CNN2: variants seen among roughly 807,000 people sequenced by gnomAD.
CNN2 encodes calponin 2.
In CNN2, 21 loss-of-function variants were observed where a neutral mutation model predicts 31.0. The ratio of observed to expected loss-of-function variants is 0.68; its 90% confidence interval spans 0.48 to 0.98. The LOEUF (loss-of-function observed/expected upper bound fraction) is 0.98. Ranked by LOEUF, CNN2 falls within the 50% of genes least tolerant of loss-of-function variation. CNN2 has a pLI of 0.00. For missense variants in CNN2, 399 were observed against 427.3 expected, an observed-to-expected ratio of 0.93 and a Z score of 0.58; for synonymous variants, 165 against 179.6, an observed-to-expected ratio of 0.92 and a Z score of 0.65.
chr19:1,028,896 T>G (rs949293699), intron 1 of CNN2, among the ~76,000 whole-genome samples: 5 of 152,176 alleles, frequency 3.3e-5, no homozygotes, highest in Non-Finnish European at 7.4e-5. Flanking sequence ...CTGGGTGGGC[T>G]GTGAGCTGGT....
intron 2 of CNN2, 140 bp downstream of exon 2, chr19:1,031,332 GGGTGGTGGC>G: frequency 1.9e-5 from 6 of 313,020 alleles, no homozygotes; most frequent in Middle Eastern, 8.9e-4. Flanking sequence ...TGGAGGCCGA[GGGTGGTGGC>G]GGGGGGCGGT....
At chr19:1,028,188 C>T (rs963284576) in intron 1 of CNN2, among the ~76,000 whole-genome samples, 1 of 152,046 alleles carries the variant, frequency 6.6e-6, no homozygotes, top group Non-Finnish European at 1.5e-5. Context: ...AAGACCGGAA[C>T]CCAGTACCTG....
Position 1,036,557 on chromosome 19 carries a change from A to C in CNN2, c.649A>C (p.Ser217Arg). 6.2e-7 allele frequency: 1 copy of C among 1,613,810 alleles called. No individual in the cohort carries two copies. Among genetic ancestry groups the C allele is most frequent in the Non-Finnish European group, 8.5e-7 (1 of 1,179,946 alleles). ...SLQMGTNKCASQVGMTAPGTR... is the reference protein window; with the variant it reads ...SLQMGTNKCARQVGMTAPGTR... ...CCAGATGGGCACGAACAAGTGTGCCAGCCAGGTGGGGCTCGCCCGGGTGCC... is the reference window on the plus strand; with the variant it reads ...CCAGATGGGCACGAACAAGTGTGCCCGCCAGGTGGGGCTCGCCCGGGTGCC... The change falls in exon 6 of 7, where the codon AGC becomes CGC. Residue 217 changes from serine to arginine, a missense_variant. Transcript: ENST00000263097.
At chr19:1,028,294 G>A (rs929649706) in intron 1 of CNN2, among the ~76,000 whole-genome samples, 2 of 152,096 alleles carry the variant, frequency 1.3e-5, no homozygotes, top group Non-Finnish European at 2.9e-5. Context: ...CTGCCCTGGC[G>A]GGGGTGAGGA....
chr19:1,035,420 C>T (rs986811076), intron 4 of CNN2, among the ~76,000 whole-genome samples: 3 of 152,056 alleles, frequency 2.0e-5, no homozygotes, highest in African/African-American at 7.3e-5. Context: ...AGTAACCTCA[C>T]GTGGGGAATG....
rs200888156 is a variant in CNN2, at chr19:1,032,447, A to G, written c.241A>G (p.Asn81Asp). The G allele has an allele frequency of 6.2e-7, 1 of 1,613,640 alleles. No individual in the cohort carries two copies. Among genetic ancestry groups the G allele is most frequent in the Non-Finnish European group, 8.5e-7 (1 of 1,179,970 alleles). Reference protein sequence around the residue: ...SVPKINRSMQNWHQLENLSNF... With the variant: ...SVPKINRSMQDWHQLENLSNF... Reference sequence around the variant, plus strand: ...CCCCAAGATCAACCGCTCCATGCAGAACTGGCACCAGGTGAGGGGCTGGTG... The same window carrying G: ...CCCCAAGATCAACCGCTCCATGCAGGACTGGCACCAGGTGAGGGGCTGGTG... Residue 81 changes from asparagine to aspartate, a missense_variant, in exon 3 of 7, where the codon AAC becomes GAC. Asn to Asp is a conservative substitution (Grantham distance 23). Transcript: ENST00000263097.
At chr19:1,036,711 C>CT in intron 6 of CNN2, 149 bp downstream of exon 6, 1 of 917,128 alleles carries the variant, frequency 1.1e-6, no homozygotes, top group Non-Finnish European at 1.7e-6. Flanking sequence ...TCCCCGCTCT[C>CT]TGTCTCCGCC....
rs200926305 is a variant in CNN2 at position 1,035,039 on chromosome 19, AC to A, written c.391-1089del. 6.5e-3 allele frequency among the ~76,000 whole-genome samples: 81 copies of A among 12,514 alleles called. 15 individuals are homozygous for A. Among genetic ancestry groups the A allele is most frequent in the African/African-American group, 0.016 (15 of 952 alleles). The allele number at this position is 12,514 out of a possible 152,430, so 8.2% of individuals were successfully genotyped here. On this transcript the variant is annotated intron_variant, in intron 4 of 6. Transcript: ENST00000263097. Reference sequence around the variant, plus strand: ...GGGTGGGACACGGTGTCTGGTGTAGACCGGGAGCGTGGGTGGGACGGTGTCT... The same window carrying A: ...GGGTGGGACACGGTGTCTGGTGTAGACGGGAGCGTGGGTGGGACGGTGTCT...
At chr19:1,026,830 G>T in intron 1 of CNN2, 106 bp downstream of exon 1, 1 of 1,118,346 alleles carries the variant, frequency 8.9e-7, no homozygotes, top group Non-Finnish European at 1.2e-6. Flanking sequence ...AGGGAGCTTG[G>T]AGACCCGGGG....
At position 1,031,086 on chromosome 19, in the gene CNN2, G is replaced by A; in HGVS notation, c.79G>A (p.Asp27Asn). 1 of 1,612,732 alleles carries A rather than the reference G, an allele frequency of 6.2e-7. No individual in the cohort carries two copies. The highest frequency in any genetic ancestry group is 1.1e-5 in the South Asian group (1 of 91,018). The change falls in exon 2 of 7, where the codon GAC (aspartate) becomes AAC (asparagine). Residue 27 changes from aspartate (D) to asparagine (N), a missense_variant. Transcript: ENST00000263097. ...GCTCCACCAGCTCCTGTCCAAATAT[G>A]ACCCCCAGAAGGAGGCAGAGCTCCG... ...EVKNRLLSKY[D>N]PQKEAELRTW...
At chr19:1,036,603 C>T in intron 6 of CNN2, 41 bp downstream of exon 6, 1 of 1,613,000 alleles carries the variant, frequency 6.2e-7, no homozygotes, top group Non-Finnish European at 8.5e-7. Context: ...CTCCCTGCCC[C>T]TCTACACCCT....
chr19:1,037,858 C>T lies in CNN2; in HGVS notation c.888C>T (p.Val296=), dbSNP rs112701025. The T allele has an allele frequency of 2.2e-4, 349 of 1,601,426 alleles. 2 individuals carry two copies. The African/African-American group carries it at 3.6e-3, about 17-fold the overall frequency. Residue 296 remains valine, a synonymous_variant, in exon 7 of 7, where the codon GTC becomes GTT. Transcript: ENST00000263097. ...GTGDCPDPGE[V]PEYPPYYQEE... ...GCGACTGCCCGGACCCGGGGGAGGT[C>T]CCTGAATATCCCCCTTACTACCAGG...
Position 1,038,345 on chromosome 19 carries a change from G to A in CNN2, c.*445G>A, listed in dbSNP as rs764869482. 6.4e-6 allele frequency: 1 copy of A among 155,766 alleles called. No homozygotes were observed. Among genetic ancestry groups the A allele is most frequent in the African/African-American group, 2.4e-5 (1 of 41,498 alleles). 9.6% of individuals were successfully genotyped at this position (155,766 alleles called of 1,614,324 possible). On this transcript the variant is annotated 3_prime_UTR_variant, in exon 7 of 7. Transcript: ENST00000263097. ...CCCCCAGGGGTGGGGCAAGGACAGT[G>A]GAGAGAGTGCTAGGAAATGAGTCCC...
intron 4 of CNN2, among the ~76,000 whole-genome samples, chr19:1,035,694 G>A (rs554421456): frequency 1.3e-5 from 2 of 152,266 alleles, no homozygotes; most frequent in South Asian, 2.1e-4. Context: ...AGGTTGAGGC[G>A]GGTGGATAAC....
chr19:1,036,575 C>T lies in CNN2; in HGVS notation c.654+13C>T, dbSNP rs2304261. The T allele has an allele frequency of 0.016, 25,450 of 1,613,552 alleles. 1,118 individuals carry two copies. In the East Asian group the frequency reaches 0.17, roughly 10 times the overall value. On this transcript the variant is annotated intron_variant, in intron 6 of 6. Coordinates refer to ENST00000263097, the MANE Select transcript of CNN2 (RefSeq NM_004368.4). ...GTGTGCCAGCCAGGTGGGGCTCGCC[C>T]GGGTGCCCCCGACTCCTCTCCCTGC...
At chr19:1,032,133 G>A (rs1378786485) in intron 2 of CNN2, among the ~76,000 whole-genome samples, 1 of 151,868 alleles carries the variant, frequency 6.6e-6, no homozygotes, top group Non-Finnish European at 1.5e-5. Flanking sequence ...GAGGCTCAGG[G>A]CTGAGGCAGG....
At chr19:1,029,857 G>A (rs748020746) in intron 1 of CNN2, among the ~76,000 whole-genome samples, 2 of 151,906 alleles carry the variant, frequency 1.3e-5, no homozygotes, top group African/African-American at 4.8e-5. Context: ...CCACCACCAC[G>A]CCCAGCTCAT....
In CNN2 at chr19:1,037,901, G is replaced by A; in HGVS notation, c.*1G>A. 6.4e-7 allele frequency: 1 copy of A among 1,572,614 alleles called. No homozygotes were observed. On this transcript the variant is annotated 3_prime_UTR_variant, in exon 7 of 7. Coordinates refer to ENST00000263097, the MANE Select transcript of CNN2 (RefSeq NM_004368.4). Reference sequence around the variant, plus strand: ...CTACCAGGAGGAGGCCGGCTACTGAGGCTCCCAGCACGCTCTCTCCCCACA... The same window carrying A: ...CTACCAGGAGGAGGCCGGCTACTGAAGCTCCCAGCACGCTCTCTCCCCACA...
intron 4 of CNN2, 44 bp downstream of exon 4, chr19:1,032,740 C>A: frequency 6.8e-7 from 1 of 1,466,938 alleles, no homozygotes; most frequent in Non-Finnish European, 9.4e-7. Flanking sequence ...AGTCACACAG[C>A]GAGGTGGATG....
Sources: gnomAD v4.1 joint callset for allele counts (sites outside exome capture counted in the v4.1 genomes callset) on GRCh38, gnomAD v4.1.1 for gene constraint, MANE v1.5 for transcripts, NCBI Gene and HGNC (gene_info 2026-07-23, HGNC 2026-07-21) for gene names.